The following ERBB4 variants were observed in gnomAD, a reference collection of about 807,000 sequenced individuals.
The protein encoded by ERBB4 is receptor tyrosine-protein kinase erbB-4.
Under a neutral mutation model 158.0 loss-of-function variants are expected in ERBB4, and 42 were observed. The observed-to-expected ratio is 0.27, with a 90% confidence interval of 0.21 to 0.34. The LOEUF (loss-of-function observed/expected upper bound fraction) is 0.34, where lower values mean the gene tolerates loss of function less well. ERBB4 is among the 10% of genes least tolerant of loss of function. ERBB4 has a pLI of 1.00. For missense variants in ERBB4, 1,333 were observed against 1,624.1 expected, an observed-to-expected ratio of 0.82 and a Z score of 3.08; for synonymous variants, 583 against 558.7, an observed-to-expected ratio of 1.04 and a Z score of -0.61.
chr2:211,725,914 A>T (rs2074250707), intron 5 of ERBB4, among the ~76,000 whole-genome samples: 1 of 152,126 alleles, frequency 6.6e-6, no homozygotes, highest in African/African-American at 2.4e-5. Context: ...AACAAAAATC[A>T]TCATTGGTCT....
chr2:211,984,265 C>A (rs1029166709), intron 2 of ERBB4, among the ~76,000 whole-genome samples: 2 of 152,078 alleles, frequency 1.3e-5, no homozygotes, highest in African/African-American at 2.4e-5. Context: ...TTAATCACTT[C>A]CCAAAGGCCC....
chr2:211,398,155 G>C (rs757815270), intron 25 of ERBB4, among the ~76,000 whole-genome samples: 1 of 152,062 alleles, frequency 6.6e-6, no homozygotes, highest in Non-Finnish European at 1.5e-5. Context: ...ATCCAGCTGT[G>C]CAAGTCAAAT....
chr2:211,430,691 A>G (rs1213492657), intron 21 of ERBB4, among the ~76,000 whole-genome samples: 2 of 152,064 alleles, frequency 1.3e-5, no homozygotes, highest in Non-Finnish European at 2.9e-5. Context: ...GGGTACAGAC[A>G]TGCATCATCT....
intron 9 of ERBB4, among the ~76,000 whole-genome samples, chr2:211,710,956 G>T (rs2073674830): frequency 6.6e-6 from 1 of 151,470 alleles, no homozygotes; most frequent in South Asian, 2.1e-4. Flanking sequence ...TGGCTACCCA[G>T]TTCCAACAAA....
intron 19 of ERBB4, among the ~76,000 whole-genome samples, chr2:211,590,373 G>A (rs968716968): frequency 1.3e-5 from 2 of 152,164 alleles, no homozygotes; most frequent in Non-Finnish European, 2.9e-5. Flanking sequence ...TAGAAATTAT[G>A]GTTTAGGAGT....
intron 2 of ERBB4, among the ~76,000 whole-genome samples, chr2:212,054,553 G>C (rs1030633131): frequency 6.6e-6 from 1 of 152,136 alleles, no homozygotes; most frequent in African/African-American, 2.4e-5. Flanking sequence ...AAAAACTCAG[G>C]ATAAAATGTG....
At chr2:211,520,343 A>G (rs1171146180) in intron 20 of ERBB4, among the ~76,000 whole-genome samples, 1 of 152,126 alleles carries the variant, frequency 6.6e-6, no homozygotes, top group African/African-American at 2.4e-5. Flanking sequence ...GTCTTTCAGT[A>G]TTGTCAGACT....
chr2:211,545,271 A>C (rs2066912873), intron 20 of ERBB4, among the ~76,000 whole-genome samples: 2 of 152,090 alleles, frequency 1.3e-5, no homozygotes, highest in Admixed American at 1.3e-4. Flanking sequence ...ACAGGTCAAT[A>C]ACCCTTCACA....
At chr2:212,521,202 C>T (rs929759972) in intron 1 of ERBB4, among the ~76,000 whole-genome samples, 1 of 151,606 alleles carries the variant, frequency 6.6e-6, no homozygotes, top group Non-Finnish European at 1.5e-5. Flanking sequence ...CTTTAAAAAA[C>T]AATAAGGATG....
intron 20 of ERBB4, among the ~76,000 whole-genome samples, chr2:211,492,481 T>A (rs981171856): frequency 5.3e-5 from 8 of 152,136 alleles, no homozygotes; most frequent in South Asian, 2.1e-4. Context: ...GAGGACTTAT[T>A]ATGTGGCTGG....
At chr2:212,415,823 G>A (rs2091635854) in intron 1 of ERBB4, among the ~76,000 whole-genome samples, 1 of 151,992 alleles carries the variant, frequency 6.6e-6, no homozygotes, top group Non-Finnish European at 1.5e-5. Context: ...AGTTTTCTGT[G>A]TTGATATCCA....
chr2:212,076,233 T>C (rs1259319721), intron 2 of ERBB4, among the ~76,000 whole-genome samples: 3 of 151,872 alleles, frequency 2.0e-5, no homozygotes, highest in Non-Finnish European at 4.4e-5. Flanking sequence ...TATTTTAAAA[T>C]ATTCTATATT....
intron 1 of ERBB4, among the ~76,000 whole-genome samples, chr2:212,394,671 C>T (rs926225574): frequency 6.6e-6 from 1 of 151,988 alleles, no homozygotes; most frequent in Non-Finnish European, 1.5e-5. Context: ...TCATGTGTTT[C>T]CATAATTTTC....
At chr2:211,592,630 G>T (rs1045631135) in intron 19 of ERBB4, among the ~76,000 whole-genome samples, 7 of 152,130 alleles carry the variant, frequency 4.6e-5, no homozygotes, top group African/African-American at 1.7e-4. Flanking sequence ...TAAACTAGAT[G>T]AAAGAAAGGG....
intron 12 of ERBB4, among the ~76,000 whole-genome samples, chr2:211,681,073 C>T (rs959290801): frequency 6.6e-6 from 1 of 152,092 alleles, no homozygotes; most frequent in Non-Finnish European, 1.5e-5. Flanking sequence ...CATTAGTTTG[C>T]ATTTTCTATA....
intron 1 of ERBB4, among the ~76,000 whole-genome samples, chr2:212,160,653 A>G (rs1296124353): frequency 1.3e-5 from 2 of 152,022 alleles, no homozygotes; most frequent in African/African-American, 4.8e-5. Flanking sequence ...TGTGCATCCA[A>G]TGCCAAATTC....
intron 1 of ERBB4, among the ~76,000 whole-genome samples, chr2:212,493,490 G>A (rs1690395161): frequency 1.3e-5 from 2 of 151,430 alleles, no homozygotes; most frequent in Admixed American, 6.6e-5. Context: ...TCATTACTCT[G>A]CAAATATAAC....
intron 25 of ERBB4, among the ~76,000 whole-genome samples, chr2:211,408,156 T>C (rs2063183318): frequency 6.6e-6 from 1 of 152,202 alleles, no homozygotes; most frequent in Non-Finnish European, 1.5e-5. Flanking sequence ...AGAAAGTTGA[T>C]GATAATGTGC....
intron 1 of ERBB4, 76 bp from the exon 2 acceptor site, chr2:212,124,979 A>G (rs1289522059): frequency 2.6e-6 from 4 of 1,528,498 alleles, no homozygotes; most frequent in Non-Finnish European, 3.6e-6. Context: ...CTTTCTCAAA[A>G]CTCTCTATTC....
Sources: allele counts gnomAD v4.1 joint callset (sites outside exome capture counted in the v4.1 genomes callset), GRCh38; gene constraint gnomAD v4.1.1; transcripts MANE v1.5; gene names NCBI Gene and HGNC (gene_info 2026-07-23, HGNC 2026-07-21).